Variants in ADCY3 observed in about 807,000 individuals in gnomAD.
ADCY3 encodes the protein adenylate cyclase 3.
Under a neutral mutation model 119.4 loss-of-function variants are expected in ADCY3, and 70 were observed. The ratio of observed to expected loss-of-function variants is 0.59; its 90% CI spans 0.48 to 0.72. The LOEUF (loss-of-function observed/expected upper bound fraction) is 0.72, where lower values mean the gene tolerates loss of function less well. Ranked by LOEUF, ADCY3 falls within the 30% of genes least tolerant of loss-of-function variation. ADCY3 has a pLI of 0.00. For synonymous variants in ADCY3, 672 were observed against 621.4 expected (o/e 1.08, Z -1.21); for missense variants, 1,238 against 1,541.6 (o/e 0.80, Z 3.30).
chr2:24,848,387 A>G (rs1671900323), intron 3 of ADCY3, among the ~76,000 whole-genome samples: 6 of 152,234 alleles, frequency 3.9e-5, no homozygotes, highest in Admixed American at 3.3e-4. Context: ...TAATATCTAT[A>G]GAAACAATGC....
chr2:24,873,783 T>C (rs543028722), intron 2 of ADCY3, among the ~76,000 whole-genome samples: 2 of 152,204 alleles, frequency 1.3e-5, no homozygotes, highest in Admixed American at 1.3e-4. Context: ...GCCAGCTCCA[T>C]GCCCTTCCCC....
At position 24,837,063 on chromosome 2, in the gene ADCY3, TC is replaced by T. The variant is rs1670409262; in HGVS notation, c.1534-19del. The T allele has an allele frequency of 6.2e-7, 1 of 1,612,800 alleles. No homozygotes were observed. The highest frequency in any genetic ancestry group is 1.3e-5 in the African/African-American group (1 of 74,876). ...GGCAGGGCCTAGAGGAAAGGAGAGC[TC>T]AGCCATGATCTGGGCATGGGATGAG... is the stretch of plus-strand genomic sequence containing the variant. On this transcript the variant is annotated intron_variant, in intron 8 of 21. Transcript: ENST00000679454.
intron 8 of ADCY3, 87 bp downstream of exon 8, chr2:24,838,358 T>G: frequency 1.5e-6 from 2 of 1,353,796 alleles, no homozygotes; most frequent in South Asian, 2.8e-5. Context: ...CCACCTCTTC[T>G]GCAATCTTTC....
chr2:24,879,597 C>T (rs1676145310), intron 2 of ADCY3, among the ~76,000 whole-genome samples: 1 of 151,910 alleles, frequency 6.6e-6, no homozygotes, highest in Non-Finnish European at 1.5e-5. Context: ...GGACGTTTTA[C>T]AAGAATCTTC....
rs1353914632 is a variant in ADCY3, at chr2:24,831,175, G to A, written c.2056-350C>T. The stretch of plus-strand genomic sequence containing the variant: ...CTATCCTGGCTCCAAGTGACCTGGC[G>A]AGCCACCTGTCAGATTTATGTTCCT... On this transcript the variant is annotated intron_variant, in intron 12 of 21. Transcript: ENST00000679454. Among the ~76,000 whole-genome samples the A allele has an allele frequency of 4.0e-5, 6 of 151,526 alleles. No individual in the cohort carries two copies. In the South Asian group the frequency reaches 6.2e-4, roughly 16 times the overall value.
chr2:24,884,533 T>C (rs949287359), intron 2 of ADCY3, among the ~76,000 whole-genome samples: 1 of 141,224 alleles, frequency 7.1e-6, no homozygotes, highest in Non-Finnish European at 1.5e-5. Flanking sequence ...TGAAGTGCAG[T>C]GGTGCAATCT....
chr2:24,822,464 T>G, intron 19 of ADCY3, 47 bp downstream of exon 19: 1 of 1,599,910 alleles, frequency 6.3e-7, no homozygotes. Flanking sequence ...GCCAATCTCT[T>G]GCCTTGGGGG....
Position 24,841,690 on chromosome 2 carries a change from G to C in ADCY3, c.957-23C>G. On this transcript the variant is annotated intron_variant, in intron 4 of 21. Transcript: ENST00000679454. This position sits in a 1 kb window ranked among gnomAD's most constrained non-coding sequence, Gnocchi z 5.8. ...ATGCTGCATGAGGAAGGAACCGTGG[G>C]GGTGACGCTCCAGGCAGCCAGGTGT... 1 of 1,594,782 alleles carries C rather than the reference G, an allele frequency of 6.3e-7. No homozygotes were observed. The highest frequency in any genetic ancestry group is 8.6e-7 in the Non-Finnish European group (1 of 1,164,294).
chr2:24,829,569 T>A (rs12619015), intron 13 of ADCY3, among the ~76,000 whole-genome samples: 1 of 151,268 alleles, frequency 6.6e-6, no homozygotes, highest in Non-Finnish European at 1.5e-5. Flanking sequence ...TACAGGCGCC[T>A]GCCACCACGC....
At chr2:24,862,521 C>T (rs895262122) in intron 3 of ADCY3, among the ~76,000 whole-genome samples, 2 of 147,258 alleles carry the variant, frequency 1.4e-5, no homozygotes, top group African/African-American at 2.6e-5. Context: ...ACTCCAGCCT[C>T]GGGGACAGAG....
At chr2:24,914,755 C>T (rs1664240949) in intron 2 of ADCY3, among the ~76,000 whole-genome samples, 1 of 152,138 alleles carries the variant, frequency 6.6e-6, no homozygotes, top group African/African-American at 2.4e-5. Flanking sequence ...GGTCTCTGCC[C>T]ACCCAAGGTG....
intron 21 of ADCY3, 138 bp downstream of exon 21, chr2:24,820,586 T>C: frequency 6.8e-7 from 1 of 1,474,426 alleles, no homozygotes; most frequent in East Asian, 2.3e-5. Flanking sequence ...AGAGATTCTT[T>C]TCCACTTGCC....
chr2:24,912,210 T>C (rs1265175521), intron 2 of ADCY3, among the ~76,000 whole-genome samples: 1 of 150,180 alleles, frequency 6.7e-6, no homozygotes, highest in African/African-American at 2.5e-5. Flanking sequence ...ACACCTGTAA[T>C]CCAGCACTTT....
At chr2:24,909,758 G>A (rs1663347421) in intron 2 of ADCY3, among the ~76,000 whole-genome samples, 2 of 152,112 alleles carry the variant, frequency 1.3e-5, no homozygotes, top group South Asian at 4.1e-4. Flanking sequence ...CGTCTCCCCA[G>A]CATCCCCCAT....
chr2:24,913,262 C>T (rs1052851387), intron 2 of ADCY3, among the ~76,000 whole-genome samples: 34 of 152,244 alleles, frequency 2.2e-4, no homozygotes, highest in African/African-American at 8.2e-4. Context: ...CAGCCCCCTG[C>T]CTTTCTCAAG....
rs778641404 is a variant in ADCY3 at position 24,872,551 on chromosome 2, G to A, written c.825+19C>T. 6.2e-6 allele frequency: 10 copies of A among 1,612,250 alleles called. No individual in the cohort carries two copies. In the East Asian group the frequency reaches 6.7e-5, roughly 11 times the overall value. On this transcript the variant is annotated intron_variant, in intron 3 of 21. Coordinates refer to ENST00000679454, the MANE Select transcript of ADCY3 (RefSeq NM_004036.5). The surrounding 1 kb of genome is among the most constrained non-coding windows in gnomAD (Gnocchi z 4.4). ...CCCTGAGCCCAAGCTCCAGGCCCGA[G>A]GCCTCCCGAGAGCCTCACCTGCTGC...
At chr2:24,880,813 C>T (rs1380759684) in intron 2 of ADCY3, among the ~76,000 whole-genome samples, 1 of 152,106 alleles carries the variant, frequency 6.6e-6, no homozygotes, top group Non-Finnish European at 1.5e-5. Flanking sequence ...GTCAGGAGTT[C>T]GAGACCAGCC....
At chr2:24,820,641 G>A (rs769326792) in intron 21 of ADCY3, 83 bp downstream of exon 21, 45 of 1,581,182 alleles carry the variant, frequency 2.8e-5, no homozygotes, top group Non-Finnish European at 3.8e-5. Context: ...CAGGGTGGGA[G>A]GCAGGGGCAC....
At chr2:24,885,789 T>C (rs183815348) in intron 2 of ADCY3, among the ~76,000 whole-genome samples, 27 of 152,278 alleles carry the variant, frequency 1.8e-4, no homozygotes, top group Admixed American at 1.6e-3. Flanking sequence ...TTCAAAATCT[T>C]CATTCTGGCA....
Sources: gnomAD v4.1 joint callset for allele counts (sites outside exome capture counted in the v4.1 genomes callset) on GRCh38, gnomAD v4.1.1 for gene constraint, Gnocchi (gnomAD v3.1) non-coding constraint, MANE v1.5 for transcripts, NCBI Gene and HGNC (gene_info 2026-07-23, HGNC 2026-07-21) for gene names.